Variants in MIB2 observed in about 807,000 individuals in gnomAD.
MIB2 encodes the protein E3 ubiquitin-protein ligase MIB2.
A neutral mutation model predicts 96.6 loss-of-function variants in MIB2; 78 were observed. That is an observed-to-expected ratio of 0.81 (90% CI 0.67 to 0.97). MIB2 has a LOEUF of 0.97. Ranked by LOEUF, MIB2 falls within the 50% of genes least tolerant of loss-of-function variation. MIB2 has a pLI of 0.00. For missense variants in MIB2, 1,543 were observed against 1,424.0 expected (o/e 1.08, Z -1.35); for synonymous variants, 820 against 629.5 (o/e 1.30, Z -4.53).
rs1193241981 is a variant in MIB2 at position 1,626,424 on chromosome 1, T to C, written c.973-226T>C. On this transcript the variant is annotated intron_variant, in intron 8 of 19. Transcript: ENST00000355826. This position sits in a 1 kb window ranked among gnomAD's most constrained non-coding sequence, Gnocchi z 5.3. Reference sequence around the variant, plus strand: ...TGCCCAGAGCTGGCTTCTGTCTGCCTGGACACTCCTCCCATGGCTCTGGGG... The same window carrying C: ...TGCCCAGAGCTGGCTTCTGTCTGCCCGGACACTCCTCCCATGGCTCTGGGG... The C allele has an allele frequency of 1.9e-6, 1 of 537,018 alleles. No individual in the cohort carries two copies. The allele number at this position is 537,018 out of a possible 1,614,324, so 33.3% of individuals were successfully genotyped here.
chr1:1,629,511 C>T lies in MIB2; in HGVS notation c.2508C>T (p.Ser836=), dbSNP rs985079792. 3.3e-6 allele frequency: 5 copies of T among 1,537,468 alleles called. No individual in the cohort carries two copies. Among genetic ancestry groups the T allele is most frequent in the African/African-American group, 1.4e-5 (1 of 72,724 alleles). The stretch of plus-strand genomic sequence containing the variant: ...AGGCCGCTGAGTGCCTGGTGTGCTC[C>T]GAGCTGGCGCTGCTGGTGCTGTTCT... The part of the protein sequence containing the change: ...GPEAAECLVC[S]ELALLVLFSP... Residue 836 remains serine (S), a synonymous_variant, in exon 18 of 20, where the codon TCC becomes TCT. Coordinates refer to ENST00000355826, the MANE Select transcript of MIB2 (RefSeq NM_001170687.4).
At chr1:1,615,878 C>T (rs1171310679) in intron 1 of MIB2, 3 of 1,085,418 alleles carry the variant, frequency 2.8e-6, no homozygotes, top group African/African-American at 1.7e-5. Flanking sequence ...CCTCGCGCGG[C>T]CCGGGGCCAG....
At position 1,630,362 on chromosome 1, in the gene MIB2, C is replaced by T. The variant is rs769206631; in HGVS notation, c.2700C>T (p.Ser900=). The part of the protein sequence containing the change: ...PPRQLVEELQ[S]RYRQMEERIT... ...GCCAGCTGGTGGAGGAGCTGCAGAG[C>T]CGCTACCGGCAGATGGAGGAACGCA... The change falls in exon 20 of 20, where the codon AGC becomes AGT. Residue 900 remains serine, a synonymous_variant. Transcript: ENST00000355826. The T allele has an allele frequency of 3.3e-5, 51 of 1,543,882 alleles. No homozygotes were observed. In the Middle Eastern group the frequency reaches 5.1e-4, roughly 15 times the overall value.
rs770239633 is a variant in MIB2, at chr1:1,624,858, G to A, written c.483G>A (p.Ala161=). Reference sequence around the variant, plus strand: ...CACTAAGGGGCATCTTCCAGGGAGCGAAGGTGGTGCGAGGCCCCGACTGGG... The same window carrying A: ...CACTAAGGGGCATCTTCCAGGGAGCAAAGGTGGTGCGAGGCCCCGACTGGG... ...RIPLRGIFQG[A]KVVRGPDWEW... Residue 161 remains alanine, a synonymous_variant, in exon 5 of 20, where the codon GCG becomes GCA. Transcript: ENST00000355826. The A allele has an allele frequency of 7.4e-6, 12 of 1,613,158 alleles. No homozygotes were observed. Among genetic ancestry groups the A allele is most frequent in the African/African-American group, 2.7e-5 (2 of 75,076 alleles).
chr1:1,620,869 G>C (rs1349474536), intron 2 of MIB2, among the ~76,000 whole-genome samples: 2 of 152,264 alleles, frequency 1.3e-5, no homozygotes, highest in Non-Finnish European at 2.9e-5. Flanking sequence ...AGCCCCCAGT[G>C]GGGATGGGAG....
At position 1,625,639 on chromosome 1, in the gene MIB2, G is replaced by A. The variant is rs550070819; in HGVS notation, c.958G>A (p.Gly320Arg). 8.3e-6 allele frequency: 13 copies of A among 1,561,590 alleles called. No homozygotes were observed. Among genetic ancestry groups the A allele is most frequent in the Admixed American group, 1.9e-5 (1 of 52,788 alleles). Residue 320 changes from glycine (G) to arginine (R), a missense_variant, in exon 8 of 20, where the codon GGG becomes AGG. Coordinates refer to ENST00000355826, the MANE Select transcript of MIB2 (RefSeq NM_001170687.4). This position sits in a 1 kb window ranked among gnomAD's most constrained non-coding sequence, Gnocchi z 5.0. The stretch of plus-strand genomic sequence containing the variant: ...CGAGACGCGCTGGACCTTCCACCCC[G>A]GGGCGCTCACCAAGGTGCCGGGGGG... The part of the protein sequence containing the change: ...NHETRWTFHP[G>R]ALTKHHSFWV...
chr1:1,615,651 T>A lies in MIB2; in HGVS notation c.-130+18T>A, dbSNP rs1403308930. 1 of 1,571,106 alleles carries A rather than the reference T, an allele frequency of 6.4e-7. No homozygotes were observed. Among genetic ancestry groups the A allele is most frequent in the Non-Finnish European group, 8.6e-7 (1 of 1,162,494 alleles). On this transcript the variant is annotated intron_variant, in intron 1 of 19. Coordinates refer to ENST00000355826, the MANE Select transcript of MIB2 (RefSeq NM_001170687.4). Reference sequence around the variant, plus strand: ...GGCTGATGGTGCGTGCGGGCGCGGATCTCCTCCCCTGGTCCTCCGCACCGT... The same window carrying A: ...GGCTGATGGTGCGTGCGGGCGCGGAACTCCTCCCCTGGTCCTCCGCACCGT...
At position 1,628,359 on chromosome 1, in the gene MIB2, TCAA is replaced by T. The variant is rs772398120; in HGVS notation, c.1933_1935del (p.Asn645del). On this transcript the variant is annotated inframe_deletion, in exon 15 of 20. Transcript: ENST00000355826. ...TTCACGGCGCTGCATCTGGCTGCCC[TCAA>T]CAACCACCGCGAGGTGGCCCAGATC... 4.3e-6 allele frequency: 7 copies of T among 1,612,694 alleles called. No homozygotes were observed. In the South Asian group the frequency reaches 7.7e-5, roughly 18 times the overall value.
chr1:1,615,209 C>T (rs2100259828), upstream of MIB2: 1 of 642,298 alleles, frequency 1.6e-6, no homozygotes, highest in African/African-American at 2.0e-5. Context: ...CCGGATAGGG[C>T]CCGCACTGGT....
chr1:1,619,367 T>G (rs1644047051), intron 2 of MIB2, among the ~76,000 whole-genome samples: 2 of 152,126 alleles, frequency 1.3e-5, no homozygotes, highest in South Asian at 4.1e-4. Context: ...AGAGCGAGAT[T>G]ACGTCTCAAA....
At chr1:1,616,457 C>T (rs1557548640) in intron 1 of MIB2, 51 bp from the exon 2 acceptor site, 2 of 1,329,284 alleles carry the variant, frequency 1.5e-6, no homozygotes, top group African/African-American at 1.5e-5. Flanking sequence ...GGCGACCGAG[C>T]CGCGGGTCGA....
chr1:1,620,599 T>C (rs1266443261), intron 2 of MIB2, among the ~76,000 whole-genome samples: 2 of 152,248 alleles, frequency 1.3e-5, no homozygotes, highest in Non-Finnish European at 2.9e-5. Flanking sequence ...CCCCTCTCAC[T>C]TGTCCCCCCG....
At chr1:1,628,827 A>G (rs1401648434) in intron 16 of MIB2, 105 bp downstream of exon 16, 3 of 1,044,420 alleles carry the variant, frequency 2.9e-6, no homozygotes, top group African/African-American at 1.6e-5. Context: ...GTGATGGCCC[A>G]GGGAGCCAGG....
At chr1:1,624,767 A>C (rs1394634256) in intron 4 of MIB2, 28 bp from the exon 5 acceptor site, 1 of 1,598,646 alleles carries the variant, frequency 6.3e-7, no homozygotes, top group South Asian at 1.1e-5. Flanking sequence ...TTTTCTTCTG[A>C]GAGCTTTATT....
In MIB2 at chr1:1,615,530, G is replaced by T. The variant is rs1420787278; in HGVS notation, c.-233G>T. 4 of 1,532,684 alleles carry T rather than the reference G, an allele frequency of 2.6e-6. No homozygotes were observed. Among genetic ancestry groups the T allele is most frequent in the Non-Finnish European group, 8.7e-7 (1 of 1,145,334 alleles). The allele number at this position is 1,532,684 out of a possible 1,614,324, so 94.9% of individuals were successfully genotyped here. ...TCGGGTCCCACAGTTTCCAGCCGCCGCTCTCCTCAGTGCCCGGTGGCCCAG... is the reference window on the plus strand; with the variant it reads ...TCGGGTCCCACAGTTTCCAGCCGCCTCTCTCCTCAGTGCCCGGTGGCCCAG... On this transcript the variant is annotated 5_prime_UTR_variant, in exon 1 of 20. Coordinates refer to ENST00000355826, the MANE Select transcript of MIB2 (RefSeq NM_001170687.4).
intron 11 of MIB2, 36 bp from the exon 12 acceptor site, chr1:1,627,260 G>A: frequency 6.2e-7 from 1 of 1,613,026 alleles, no homozygotes; most frequent in African/African-American, 1.3e-5. Flanking sequence ...GTGAGGGGCA[G>A]AGGGCCAGGG....
Position 1,625,190 on chromosome 1 carries a change from G to A in MIB2, c.721+5G>A. On this transcript the variant is annotated splice_donor_5th_base_variant and intron_variant, in intron 6 of 19. Coordinates refer to ENST00000355826, the MANE Select transcript of MIB2 (RefSeq NM_001170687.4). The surrounding 1 kb of genome is among the most constrained non-coding windows in gnomAD (Gnocchi z 5.0). ...AGGACCACCTCCCAAGGCTCGGTATGAGGCTGTCACACTGACTCCATCAGC... is the reference window on the plus strand; with the variant it reads ...AGGACCACCTCCCAAGGCTCGGTATAAGGCTGTCACACTGACTCCATCAGC... 6.2e-7 allele frequency: 1 copy of A among 1,607,562 alleles called. No individual in the cohort carries two copies. Among genetic ancestry groups the A allele is most frequent in the Non-Finnish European group, 8.5e-7 (1 of 1,176,760 alleles).
At chr1:1,629,067 C>T in intron 16 of MIB2, 66 bp from the exon 17 acceptor site, 23 of 1,363,304 alleles carry the variant, frequency 1.7e-5, no homozygotes, top group Non-Finnish European at 2.1e-5. Context: ...CTGCCAGGTG[C>T]CAGGAGACGC....
At chr1:1,621,657 A>G (rs2100397901) in intron 2 of MIB2, among the ~76,000 whole-genome samples, 1 of 152,330 alleles carries the variant, frequency 6.6e-6, no homozygotes, top group South Asian at 2.1e-4. Flanking sequence ...GTGCTTGTAA[A>G]ACATCCACCC....
Sources: gnomAD v4.1 joint callset for allele counts (sites outside exome capture counted in the v4.1 genomes callset) on GRCh38, gnomAD v4.1.1 for gene constraint, Gnocchi (gnomAD v3.1) non-coding constraint, MANE v1.5 for transcripts, NCBI Gene and HGNC (gene_info 2026-07-23, HGNC 2026-07-21) for gene names.